The following MAP2K4 variants were observed in gnomAD, a reference collection of about 807,000 sequenced individuals.
The protein encoded by MAP2K4 is mitogen-activated protein kinase kinase 4.
MAP2K4 carries 4 observed loss-of-function variants against 48.5 expected under a neutral mutation model. That is an observed-to-expected ratio of 0.08 (90% CI 0.04 to 0.19). The LOEUF is 0.19. MAP2K4 is among the 10% of genes least tolerant of loss of function. The pLI, the probability that MAP2K4 is intolerant of heterozygous loss-of-function variation, is 1.00. For synonymous variants in MAP2K4, 166 were observed against 173.1 expected (o/e 0.96, Z 0.32); for missense variants, 258 against 493.3 (o/e 0.52, Z 4.52).
At chr17:12,105,037 C>A (rs1162727809) in intron 4 of MAP2K4, among the ~76,000 whole-genome samples, 1 of 152,036 alleles carries the variant, frequency 6.6e-6, no homozygotes, top group African/African-American at 2.4e-5. Flanking sequence ...TATCAGATTT[C>A]TGTCTGTGCA....
At chr17:12,107,684 A>C (rs1239349276) in intron 4 of MAP2K4, 106 bp from the exon 5 acceptor site, 8 of 980,976 alleles carry the variant, frequency 8.2e-6, no homozygotes, top group African/African-American at 1.7e-5. Flanking sequence ...TTGACATTTG[A>C]AATAAGCAAG....
At chr17:12,072,964 G>A (rs1192923892) in intron 2 of MAP2K4, among the ~76,000 whole-genome samples, 6 of 152,134 alleles carry the variant, frequency 3.9e-5, no homozygotes, top group Non-Finnish European at 8.8e-5. Context: ...TTTTTAATTT[G>A]CTTTAAGAAC....
chr17:12,131,326 A>G (rs1421712930), intron 9 of MAP2K4, among the ~76,000 whole-genome samples: 2 of 149,776 alleles, frequency 1.3e-5, no homozygotes, highest in Non-Finnish European at 3.0e-5. Context: ...GCTCACTGCA[A>G]CCTCCACCTC....
chr17:12,094,916 TA>T (rs1971684345), intron 3 of MAP2K4, among the ~76,000 whole-genome samples: 1 of 152,202 alleles, frequency 6.6e-6, no homozygotes, highest in African/African-American at 2.4e-5. Context: ...TATGCTGCCC[TA>T]CATGCTGACT....
chr17:12,124,375 A>G (rs1972784943), intron 7 of MAP2K4: 1 of 152,208 alleles, frequency 6.6e-6, no homozygotes, highest in Non-Finnish European at 1.5e-5. Flanking sequence ...ATTACTAAAA[A>G]TGATTTCTGC....
chr17:12,072,492 G>A (rs1970849412), intron 2 of MAP2K4, among the ~76,000 whole-genome samples: 1 of 152,146 alleles, frequency 6.6e-6, no homozygotes, highest in African/African-American at 2.4e-5. Flanking sequence ...CATTTGAATT[G>A]TATGCCTAAA....
At chr17:12,123,988 T>C (rs1242354960) in intron 7 of MAP2K4, among the ~76,000 whole-genome samples, 2 of 152,220 alleles carry the variant, frequency 1.3e-5, no homozygotes, top group African/African-American at 4.8e-5. Context: ...AATGTTGATC[T>C]TGATGATGTT....
chr17:12,120,127 C>G (rs1972635216), intron 7 of MAP2K4, among the ~76,000 whole-genome samples: 1 of 152,122 alleles, frequency 6.6e-6, no homozygotes, highest in African/African-American at 2.4e-5. Flanking sequence ...TATAACAAAC[C>G]TGCATGTGTA....
intron 2 of MAP2K4, among the ~76,000 whole-genome samples, chr17:12,060,196 A>G (rs1970404828): frequency 1.3e-5 from 2 of 152,150 alleles, no homozygotes; most frequent in Admixed American, 1.3e-4. Flanking sequence ...GTTTTTAAAA[A>G]GAAATAACAA....
intron 4 of MAP2K4, among the ~76,000 whole-genome samples, chr17:12,098,275 C>T (rs1051288123): frequency 2.0e-5 from 3 of 151,824 alleles, no homozygotes; most frequent in East Asian, 3.9e-4. Flanking sequence ...GTCAGGAGCC[C>T]GAGACCAGCC....
At chr17:12,028,609 T>C (rs1419994736) in intron 1 of MAP2K4, among the ~76,000 whole-genome samples, 1 of 152,208 alleles carries the variant, frequency 6.6e-6, no homozygotes, top group Non-Finnish European at 1.5e-5. Flanking sequence ...CCCTTCATGC[T>C]TGTGACAGAG....
rs539851515 is a variant in MAP2K4 at position 12,093,996 on chromosome 17, A to G, written c.394-1579A>G. On this transcript the variant is annotated intron_variant, in intron 3 of 10. Coordinates refer to ENST00000353533, the MANE Select transcript of MAP2K4 (RefSeq NM_003010.4). ...TTTTAAAAATATCCTTTTTGAGCAA[A>G]CATGCTGAAGTTGATTTAAAAGTAA... Among the ~76,000 whole-genome samples, 3 of 152,326 alleles carry G rather than the reference A, an allele frequency of 2.0e-5. No homozygotes were observed. In the East Asian group the frequency reaches 5.8e-4, roughly 29 times the overall value.
In MAP2K4 at chr17:12,081,572, G is replaced by T. The variant is rs1401558946; in HGVS notation, c.393+42G>T. 2 of 1,591,000 alleles carry T rather than the reference G, an allele frequency of 1.3e-6. No individual in the cohort carries two copies. On this transcript the variant is annotated intron_variant, in intron 3 of 10. Transcript: ENST00000353533. The surrounding 1 kb of genome is among the most constrained non-coding windows in gnomAD (Gnocchi z 4.2). ...TTATTTTTGGTACTTTAATCCATTA[G>T]GTGAAATTTCATGGTGCAGTAATAC... is the stretch of plus-strand genomic sequence containing the variant.
At chr17:12,140,623 G>A (rs1020458114) in intron 10 of MAP2K4, among the ~76,000 whole-genome samples, 1 of 152,128 alleles carries the variant, frequency 6.6e-6, no homozygotes, top group Non-Finnish European at 1.5e-5. Context: ...TTTCTCTTGG[G>A]CCTCTTTTGG....
chr17:12,072,195 A>C (rs919078716), intron 2 of MAP2K4, among the ~76,000 whole-genome samples: 2 of 152,236 alleles, frequency 1.3e-5, no homozygotes, highest in Admixed American at 6.5e-5. Flanking sequence ...CACTAAGAGT[A>C]AGTAAGCAGT....
At chr17:12,035,996 A>G (rs1487428723) in intron 1 of MAP2K4, among the ~76,000 whole-genome samples, 1 of 152,176 alleles carries the variant, frequency 6.6e-6, no homozygotes, top group Non-Finnish European at 1.5e-5. Context: ...GTGTGTTTAC[A>G]TGCACAAATA....
intron 1 of MAP2K4, among the ~76,000 whole-genome samples, chr17:12,026,699 A>AG (rs1460930079): frequency 6.6e-6 from 1 of 152,214 alleles, no homozygotes; most frequent in Admixed American, 6.5e-5. Flanking sequence ...TCAGGTCTGA[A>AG]GGAAGCATCT....
intron 1 of MAP2K4, among the ~76,000 whole-genome samples, chr17:12,024,319 G>A (rs1350322308): frequency 6.6e-6 from 1 of 152,158 alleles, no homozygotes; most frequent in East Asian, 1.9e-4. Flanking sequence ...ATCAACAGAC[G>A]TAGCTTTGGT....
intron 1 of MAP2K4, among the ~76,000 whole-genome samples, chr17:12,024,571 T>C (rs1477649134): frequency 6.6e-6 from 1 of 151,878 alleles, no homozygotes; most frequent in Non-Finnish European, 1.5e-5. Context: ...TTTGCCAAGT[T>C]AGGTAAGTGG....
Sources: gnomAD v4.1 joint callset for allele counts (sites outside exome capture counted in the v4.1 genomes callset) on GRCh38, gnomAD v4.1.1 for gene constraint, Gnocchi (gnomAD v3.1) non-coding constraint, MANE v1.5 for transcripts, NCBI Gene and HGNC (gene_info 2026-07-23, HGNC 2026-07-21) for gene names.